MYOM2: variants seen among roughly 807,000 people sequenced by gnomAD.
The protein encoded by MYOM2 is myomesin 2.
Under a neutral mutation model 187.6 loss-of-function variants are expected in MYOM2, and 254 were observed. That is an observed-to-expected ratio of 1.35 (90% CI 1.22 to 1.50). The LOEUF is 1.50. MYOM2 is among the 40% of genes most tolerant of loss of function. MYOM2 has a pLI of 0.00. For synonymous variants in MYOM2, 981 were observed against 753.8 expected (o/e 1.30, Z -4.94); for missense variants, 2,796 against 1,924.0 (o/e 1.45, Z -8.48).
At chr8:2,123,194 T>A (rs1797516091) in intron 28 of MYOM2, 58 bp from the exon 29 acceptor site, 1 of 1,188,366 alleles carries the variant, frequency 8.4e-7, no homozygotes. Flanking sequence ...TAATAGACTT[T>A]CTTTTTCTCA....
Position 2,142,398 on chromosome 8 carries a change from G to GT in MYOM2, c.4024+2dup, listed in dbSNP as rs780850190. 20 of 1,613,720 alleles carry GT rather than the reference G, an allele frequency of 1.2e-5. No homozygotes were observed. The highest frequency in any genetic ancestry group is 1.5e-5 in the Non-Finnish European group (18 of 1,179,702). On this transcript the variant is annotated splice_donor_variant, in intron 35 of 36. Coordinates refer to ENST00000262113, the MANE Select transcript of MYOM2 (RefSeq NM_003970.4). LOFTEE classifies it high-confidence loss of function. ...AGAGCTGCTGCTTTTGCAGAGAAGA[G>GT]TAAGTACCTGTTGGATTGTAACCAG...
At chr8:2,074,854 G>C (rs75869738) in intron 10 of MYOM2, among the ~76,000 whole-genome samples, 3,597 of 152,284 alleles carry the variant, frequency 0.024, 78 homozygotes, top group South Asian at 0.067. Context: ...CCTCCTTGCT[G>C]AGGCACAGCT....
At chr8:2,079,022 A>C in intron 12 of MYOM2, 89 bp downstream of exon 12, 1 of 1,301,276 alleles carries the variant, frequency 7.7e-7, no homozygotes, top group Non-Finnish European at 1.1e-6. Flanking sequence ...TCCCAACTCG[A>C]TGTGAGCCCT....
chr8:2,085,005 C>A (rs1323148135), intron 13 of MYOM2: 9 of 444,664 alleles, frequency 2.0e-5, no homozygotes, highest in Non-Finnish European at 3.6e-5. Context: ...CCAACAGAAT[C>A]TCTGGAAGAC....
intron 6 of MYOM2, among the ~76,000 whole-genome samples, chr8:2,063,627 AT>A: frequency 6.6e-6 from 1 of 152,272 alleles, no homozygotes; most frequent in East Asian, 1.9e-4. Flanking sequence ...TTTGTACTTT[AT>A]TTTTAGAGCT....
chr8:2,129,305 G>C (rs554753126), intron 32 of MYOM2, 73 bp downstream of exon 32: 1 of 961,466 alleles, frequency 1.0e-6, no homozygotes, highest in Admixed American at 1.8e-5. Flanking sequence ...GGGACCAGGC[G>C]CTCCCTGGGG....
At chr8:2,144,549 C>G in intron 36 of MYOM2, 115 bp from the exon 37 acceptor site, 1 of 1,079,386 alleles carries the variant, frequency 9.3e-7, no homozygotes, top group South Asian at 1.4e-5. Context: ...TCTAAACAAA[C>G]GATTGAAGGA....
At chr8:2,132,271 G>A (rs80027524) in intron 32 of MYOM2, among the ~76,000 whole-genome samples, 3,456 of 152,230 alleles carry the variant, frequency 0.023, 55 homozygotes, top group Middle Eastern at 0.044. Context: ...GGAATCAATA[G>A]AGTGCTATGA....
intron 35 of MYOM2, 113 bp downstream of exon 35, chr8:2,142,510 C>A (rs1798307627): frequency 1.9e-6 from 2 of 1,071,572 alleles, no homozygotes; most frequent in South Asian, 1.3e-5. Context: ...CAATCCCCCA[C>A]CCTGATGTAA....
chr8:2,076,806 T>A (rs1819440254), intron 11 of MYOM2, among the ~76,000 whole-genome samples: 1 of 152,242 alleles, frequency 6.6e-6, no homozygotes, highest in Non-Finnish European at 1.5e-5. Context: ...TGTGTTTGAG[T>A]TGATAACTTA....
intron 15 of MYOM2, among the ~76,000 whole-genome samples, chr8:2,090,976 T>TATATATGC (rs1292256099): frequency 2.0e-5 from 3 of 149,458 alleles, no homozygotes; most frequent in African/African-American, 7.6e-5. Flanking sequence ...TTCCTCTGGG[T>TATATATGC]ATATATGCAG....
At chr8:2,060,814 A>G (rs921378594) in intron 6 of MYOM2, among the ~76,000 whole-genome samples, 1 of 142,824 alleles carries the variant, frequency 7.0e-6, no homozygotes, top group African/African-American at 2.6e-5. Flanking sequence ...ACACTCGTTA[A>G]GGACATTAAG....
intron 32 of MYOM2, among the ~76,000 whole-genome samples, chr8:2,138,644 G>A (rs567632737): frequency 7.5e-4 from 115 of 152,320 alleles, no homozygotes; most frequent in Non-Finnish European, 1.3e-3. Flanking sequence ...AAGGCGGCAC[G>A]AACTCGCTCC....
chr8:2,101,151 G>A, intron 20 of MYOM2, 97 bp downstream of exon 20: 1 of 1,274,342 alleles, frequency 7.8e-7, no homozygotes, highest in Non-Finnish European at 1.1e-6. Flanking sequence ...TTCGAAACCA[G>A]CCTGGCCAAC....
chr8:2,094,572 A>C (rs1796417842), intron 17 of MYOM2, among the ~76,000 whole-genome samples: 1 of 152,196 alleles, frequency 6.6e-6, no homozygotes, highest in Admixed American at 6.5e-5. Context: ...GAGTCACCTA[A>C]TCTGGGAGGC....
chr8:2,120,689 A>ATATATATATATATATATATAT, intron 28 of MYOM2, among the ~76,000 whole-genome samples: 1 of 42,386 alleles, frequency 2.4e-5, no homozygotes, highest in South Asian at 6.6e-4. Context: ...ATTATATATA[A>ATATATATATATATATATATAT]ATATATAATA....
At chr8:2,090,505 G>T (rs1350237231) in intron 15 of MYOM2, among the ~76,000 whole-genome samples, 1 of 152,172 alleles carries the variant, frequency 6.6e-6, no homozygotes, top group African/African-American at 2.4e-5. Flanking sequence ...GGGTCCATGT[G>T]TAGGCTTCTT....
intron 23 of MYOM2, among the ~76,000 whole-genome samples, chr8:2,107,236 G>A (rs990092545): frequency 3.3e-5 from 5 of 152,126 alleles, no homozygotes; most frequent in African/African-American, 1.2e-4. Flanking sequence ...CCCACCCACA[G>A]GACAGCGTCA....
chr8:2,076,253 G>C lies in MYOM2; in HGVS notation c.1233G>C (p.Glu411Asp), dbSNP rs766930529. 32 of 1,613,776 alleles carry C rather than the reference G, an allele frequency of 2.0e-5. No individual in the cohort carries two copies. Among genetic ancestry groups the C allele is most frequent in the Non-Finnish European group, 2.7e-5 (32 of 1,179,934 alleles). ...GGAAGCCGCCCAACACCACCACTGA[G>C]AGCCCCGTCATGGGCTATTTTGTGG... ...VTWKPPNTTT[E>D]SPVMGYFVDR... The change falls in exon 11 of 37, where the codon GAG (glutamate) becomes GAC (aspartate). Residue 411 changes from glutamate (E) to aspartate (D), a missense_variant. Transcript: ENST00000262113.
Sources: allele counts gnomAD v4.1 joint callset (sites outside exome capture counted in the v4.1 genomes callset), GRCh38; gene constraint gnomAD v4.1.1; transcripts MANE v1.5; gene names NCBI Gene and HGNC (gene_info 2026-07-23, HGNC 2026-07-21).